HIPK3: variants seen among roughly 807,000 people sequenced by gnomAD.
HIPK3 encodes the protein homeodomain-interacting protein kinase 3.
Under a neutral mutation model 124.2 loss-of-function variants are expected in HIPK3, and 47 were observed. That is an observed-to-expected ratio of 0.38 (90% confidence interval 0.30 to 0.48). The LOEUF (loss-of-function observed/expected upper bound fraction) is 0.48. Ranked by LOEUF, HIPK3 falls within the 20% of genes least tolerant of loss-of-function variation. The pLI is 0.98. For synonymous variants in HIPK3, 482 were observed against 515.2 expected (o/e 0.94, Z 0.87); for missense variants, 1,286 against 1,454.3 (o/e 0.88, Z 1.88).
Position 33,352,207 on chromosome 11 carries a change from G to T in HIPK3, c.3113G>T (p.Gly1038Val), listed in dbSNP as rs746065570. 6.8e-6 allele frequency: 11 copies of T among 1,613,796 alleles called. No homozygotes were observed. In the East Asian group the frequency reaches 2.5e-4, roughly 36 times the overall value. ...AGATTAAACCAGCCTTCTGCAGTGG[G>T]TACTCGTCAGCAAAAATTGACATCA... ...PGRLNQPSAV[G>V]TRQQKLTSAF... Residue 1038 changes from glycine to valine, a missense_variant, in exon 16 of 17, where the codon GGT (glycine) becomes GTT (valine). Physicochemically the swap from Gly to Val is moderately radical, Grantham distance 109. Coordinates refer to ENST00000303296, the MANE Select transcript of HIPK3 (RefSeq NM_005734.5).
chr11:33,334,161 A>T (rs1475232214), intron 3 of HIPK3, among the ~76,000 whole-genome samples: 1 of 152,206 alleles, frequency 6.6e-6, no homozygotes, highest in Non-Finnish European at 1.5e-5. Flanking sequence ...GAAGGCACAC[A>T]ATCTAGTAGG....
At position 33,327,212 on chromosome 11, in the gene HIPK3, A is replaced by T. The variant is rs185391647; in HGVS notation, c.1098-1298A>T. ...GAAATATAGCAGACATCATGTGATC[A>T]AAGTAAAAATTATTAGTAATGGAAC... On this transcript the variant is annotated intron_variant, in intron 2 of 16. Transcript: ENST00000303296. 1.4e-3 allele frequency among the ~76,000 whole-genome samples: 209 copies of T among 152,328 alleles called. 1 individual carries two copies. Among genetic ancestry groups the T allele is most frequent in the African/African-American group, 4.7e-3 (197 of 41,586 alleles).
intron 1 of HIPK3, among the ~76,000 whole-genome samples, chr11:33,260,926 A>G (rs112358111): frequency 1.6e-4 from 24 of 151,992 alleles, no homozygotes; most frequent in African/African-American, 5.8e-4. Context: ...TCTGAAGACA[A>G]ACTACTAAAA....
Position 33,348,605 on chromosome 11 carries a change from T to C in HIPK3, c.2453T>C (p.Val818Ala). 1 of 1,613,896 alleles carries C rather than the reference T, an allele frequency of 6.2e-7. No homozygotes were observed. Among genetic ancestry groups the C allele is most frequent in the Non-Finnish European group, 8.5e-7 (1 of 1,179,758 alleles). Residue 818 changes from valine to alanine, a missense_variant, in exon 13 of 17, where the codon GTA becomes GCA. Physicochemically the swap from Val to Ala is moderately conservative, Grantham distance 64 (BLOSUM62 0). Around this residue, in one of 3 missense-constraint regions of HIPK3, gnomAD observed 810 missense variants for 864.9 expected, o/e 0.94. Transcript: ENST00000303296. ...ATTAATGGGAAAGATGTCGAGGAAG[T>C]AAGTTGTATAGAAACACAGGACAAT... is the stretch of plus-strand genomic sequence containing the variant. Reference protein sequence around the residue: ...KIINGKDVEEVSCIETQDNQN... With the variant: ...KIINGKDVEEASCIETQDNQN...
intron 2 of HIPK3, among the ~76,000 whole-genome samples, chr11:33,306,413 A>G (rs1449607351): frequency 6.6e-6 from 1 of 152,176 alleles, no homozygotes; most frequent in Non-Finnish European, 1.5e-5. Flanking sequence ...GCTGTCTAAT[A>G]TGACAGAAAT....
At chr11:33,282,507 C>A (rs1377404858) in intron 1 of HIPK3, among the ~76,000 whole-genome samples, 4 of 152,098 alleles carry the variant, frequency 2.6e-5, no homozygotes, top group Non-Finnish European at 4.4e-5. Context: ...CATGACAAAA[C>A]CCTGTCTCTA....
At position 33,257,574 on chromosome 11, in the gene HIPK3, G is replaced by C; in HGVS notation, c.-318G>C. On this transcript the variant is annotated 5_prime_UTR_variant, in exon 1 of 17. Transcript: ENST00000303296. ...GGCCCCAGTAGCCGGAGGCCGACCG[G>C]CCTCCCACTACCCCTCGCCCTAGCC... 1.0e-6 allele frequency: 1 copy of C among 985,894 alleles called. No homozygotes were observed. Among genetic ancestry groups the C allele is most frequent in the Non-Finnish European group, 1.2e-6 (1 of 830,176 alleles). The allele number at this position is 985,894 out of a possible 1,614,324, so 61.1% of individuals were successfully genotyped here. A position where few individuals can be genotyped will look rare whatever the true frequency, so the allele number is the denominator to read the frequency against.
chr11:33,316,157 G>A (rs1284539746), intron 2 of HIPK3, among the ~76,000 whole-genome samples: 1 of 152,150 alleles, frequency 6.6e-6, no homozygotes, highest in Admixed American at 6.5e-5. Flanking sequence ...TTGTAGAAGC[G>A]GTTGATCATC....
chr11:33,345,600 C>T (rs7106825), intron 8 of HIPK3, among the ~76,000 whole-genome samples: 2,724 of 122,140 alleles, frequency 0.022, 27 homozygotes, highest in Non-Finnish European at 0.025. Flanking sequence ...CTCTGTTCAT[C>T]CTTGTCAAAG....
At chr11:33,314,006 A>G (rs1852423166) in intron 2 of HIPK3, among the ~76,000 whole-genome samples, 2 of 151,918 alleles carry the variant, frequency 1.3e-5, no homozygotes, top group Admixed American at 6.6e-5. Context: ...TGTTGCTTGT[A>G]TAGATGGGGC....
intron 2 of HIPK3, among the ~76,000 whole-genome samples, chr11:33,299,985 G>T (rs1320939041): frequency 7.1e-6 from 1 of 140,446 alleles, no homozygotes; most frequent in African/African-American, 2.7e-5. Flanking sequence ...CTGTGCCACT[G>T]CACTCAAGTC....
intron 1 of HIPK3, among the ~76,000 whole-genome samples, chr11:33,280,359 T>A (rs1314867791): frequency 6.6e-6 from 1 of 152,166 alleles, no homozygotes; most frequent in Non-Finnish European, 1.5e-5. Flanking sequence ...GTAAAATCCA[T>A]AAACACCAGA....
chr11:33,316,562 C>G (rs1852509676), intron 2 of HIPK3, among the ~76,000 whole-genome samples: 1 of 152,164 alleles, frequency 6.6e-6, no homozygotes. Flanking sequence ...GTGGCTCACA[C>G]CTGTATTCCC....
intron 2 of HIPK3, among the ~76,000 whole-genome samples, chr11:33,315,319 G>T (rs988063165): frequency 2.2e-4 from 34 of 152,138 alleles, no homozygotes; most frequent in Admixed American, 1.8e-3. Context: ...CTTGGCCTCC[G>T]GGGCTCAAGC....
rs1850700974 is a variant in HIPK3, at chr11:33,257,633, G to A, written c.-259G>A. On this transcript the variant is annotated 5_prime_UTR_variant, in exon 1 of 17. Transcript: ENST00000303296. The stretch of plus-strand genomic sequence containing the variant: ...CCCACCCCAAATCCCCGGGAAGGAA[G>A]ATGAGGGAGACGGGCCCGGCGCTTA... 2 of 989,914 alleles carry A rather than the reference G, an allele frequency of 2.0e-6. No homozygotes were observed. The highest frequency in any genetic ancestry group is 2.4e-6 in the Non-Finnish European group (2 of 833,038). The allele number at this position is 989,914 out of a possible 1,614,324, so 61.3% of individuals were successfully genotyped here. A position where few individuals can be genotyped will look rare whatever the true frequency, so the allele number is the denominator to read the frequency against.
At chr11:33,339,612 C>T (rs759869903) in intron 6 of HIPK3, 78 bp downstream of exon 6, 80 of 1,074,288 alleles carry the variant, frequency 7.4e-5, no homozygotes, top group Non-Finnish European at 1.1e-4. Context: ...AGAGAAATTA[C>T]TTTTCTTCAT....
Position 33,352,167 on chromosome 11 carries a change from C to T in HIPK3, c.3073C>T (p.Arg1025Ter). 6.2e-7 allele frequency: 1 copy of T among 1,613,336 alleles called. No homozygotes were observed. The highest frequency in any genetic ancestry group is 8.5e-7 in the Non-Finnish European group (1 of 1,179,296). The change falls in exon 16 of 17, where the codon CGA (arginine) becomes TGA (stop). Residue 1025 changes from arginine to a stop codon, truncating the protein, a stop_gained. Transcript: ENST00000303296. LOFTEE classifies it high-confidence loss of function. ...TATATGCCAGCCATTAATAAAAGGA[C>T]GATCTGCCCCTGGAAGATTAAACCA... ...DSICQPLIKGRSAPGRLNQPS... is the reference protein window; with the variant it reads ...DSICQPLIKG
chr11:33,270,184 A>G (rs1851085321), intron 1 of HIPK3, among the ~76,000 whole-genome samples: 1 of 151,950 alleles, frequency 6.6e-6, no homozygotes, highest in Non-Finnish European at 1.5e-5. Context: ...TCACCATGTT[A>G]GCCAGGCCGG....
Position 33,314,971 on chromosome 11 carries a change from A to G in HIPK3, c.1098-13539A>G, listed in dbSNP as rs182555593. On this transcript the variant is annotated intron_variant, in intron 2 of 16. Coordinates refer to ENST00000303296, the MANE Select transcript of HIPK3 (RefSeq NM_005734.5). Reference sequence around the variant, plus strand: ...TACATTTATTTTGTTATGTCATACAATAAGATATTCGAAAAGATTGTAAAA... The same window carrying G: ...TACATTTATTTTGTTATGTCATACAGTAAGATATTCGAAAAGATTGTAAAA... 2.3e-3 allele frequency among the ~76,000 whole-genome samples: 345 copies of G among 152,344 alleles called. 2 individuals are homozygous for G. Among genetic ancestry groups the G allele is most frequent in the African/African-American group, 8.1e-3 (335 of 41,586 alleles).
Sources: gnomAD v4.1 joint callset for allele counts (sites outside exome capture counted in the v4.1 genomes callset) on GRCh38, gnomAD v4.1.1 for gene constraint, gnomAD v4.1.1 regional missense constraint, MANE v1.5 for transcripts, NCBI Gene and HGNC (gene_info 2026-07-23, HGNC 2026-07-21) for gene names.